RNF157: variants seen among roughly 807,000 people sequenced by gnomAD.
RNF157 encodes E3 ubiquitin ligase RNF157.
In RNF157, 55 loss-of-function variants were observed where a neutral mutation model predicts 88.3. The ratio of observed to expected loss-of-function variants is 0.62; its 90% confidence interval spans 0.50 to 0.78. RNF157 has a LOEUF of 0.78. Among genes scored for constraint, RNF157 ranks in the 30% least tolerant of loss-of-function variants. The pLI, the probability that RNF157 is intolerant of heterozygous loss-of-function variation, is 0.00. For missense variants in RNF157, 788 were observed against 860.8 expected, an observed-to-expected ratio of 0.92 and a Z score of 1.06; for synonymous variants, 334 against 341.2, an observed-to-expected ratio of 0.98 and a Z score of 0.23.
In RNF157 at chr17:76,240,295, C is replaced by T. The variant is rs1476769212; in HGVS notation, c.-55G>A. 7.7e-6 allele frequency: 7 copies of T among 909,596 alleles called. No individual in the cohort carries two copies. Among genetic ancestry groups the T allele is most frequent in the African/African-American group, 1.8e-5 (1 of 55,198 alleles). 56.3% of individuals were successfully genotyped at this position (909,596 alleles called of 1,614,324 possible). ...CCCGGTGCCCGCGCCGCCCTCCGCG[C>T]TTCACCGCGGCCGCCCGCCCCGCGC... On this transcript the variant is annotated 5_prime_UTR_variant, in exon 1 of 19. Transcript: ENST00000269391. The surrounding 1 kb of genome is among the most constrained non-coding windows in gnomAD (Gnocchi z 4.4).
chr17:76,226,860 T>A, intron 1 of RNF157: 1 of 1,382,306 alleles, frequency 7.2e-7, no homozygotes, highest in South Asian at 1.4e-5. Flanking sequence ...GGTGTCTTTG[T>A]CGGTTACAGC....
chr17:76,209,920 C>T (rs1455507109), intron 2 of RNF157, among the ~76,000 whole-genome samples: 1 of 152,092 alleles, frequency 6.6e-6, no homozygotes, highest in Non-Finnish European at 1.5e-5. Flanking sequence ...CCACCACGCC[C>T]AGCTAATTTT....
intron 2 of RNF157, among the ~76,000 whole-genome samples, chr17:76,194,437 C>CGGT (rs1034865918): frequency 1.1e-4 from 16 of 152,154 alleles, no homozygotes; most frequent in African/African-American, 3.9e-4. Flanking sequence ...GTGGGAAGGG[C>CGGT]GGTAAATTCA....
chr17:76,161,998 G>C lies in RNF157; in HGVS notation c.797C>G (p.Ala266Gly). 6.2e-7 allele frequency: 1 copy of C among 1,612,982 alleles called. No homozygotes were observed. The highest frequency in any genetic ancestry group is 8.5e-7 in the Non-Finnish European group (1 of 1,179,158). ...ACTGTTATCACTCACTTCGTCTTCA[G>C]CCACCTGGCCAAGGAGAAAGAAATG... ...NKYNTQDSKV[A>G]EDEVSDNSAE... The change falls in exon 10 of 19, where the codon GCT (alanine) becomes GGT (glycine). Residue 266 changes from alanine to glycine, a missense_variant. Physicochemically the swap from Ala to Gly is moderately conservative, Grantham distance 60 (BLOSUM62 0). Transcript: ENST00000269391. The surrounding 1 kb of genome is among the most constrained non-coding windows in gnomAD (Gnocchi z 4.6).
At chr17:76,194,851 T>C (rs1246847626) in intron 2 of RNF157, among the ~76,000 whole-genome samples, 2 of 151,956 alleles carry the variant, frequency 1.3e-5, no homozygotes, top group Admixed American at 1.3e-4. Context: ...CCGTCTCTAC[T>C]AAAAATACAA....
rs1253512795 is a variant in RNF157 at position 76,160,481 on chromosome 17, T to C, written c.1066-908A>G. 2.7e-4 allele frequency among the ~76,000 whole-genome samples: 41 copies of C among 152,222 alleles called. 1 individual carries two copies. Among genetic ancestry groups the C allele is most frequent in the Admixed American group, 2.7e-3 (41 of 15,282 alleles). On this transcript the variant is annotated intron_variant, in intron 11 of 18. Transcript: ENST00000269391. The surrounding 1 kb of genome is among the most constrained non-coding windows in gnomAD (Gnocchi z 4.3). Reference sequence around the variant, plus strand: ...GAGAATCGCTAAAAAGAAAAGTTTTTAAAATTTGAAAGTTGGAAAATGGTA... The same window carrying C: ...GAGAATCGCTAAAAAGAAAAGTTTTCAAAATTTGAAAGTTGGAAAATGGTA...
Position 76,145,271 on chromosome 17 carries a change from C to G in RNF157, c.2004G>C (p.Glu668Asp), listed in dbSNP as rs901672974. Reference sequence around the variant, plus strand: ...AAGGGCCCCACACACAGGGCCTCGTCTCAGAGTCCTCCAGGCTGCTGGATG... The same window carrying G: ...AAGGGCCCCACACACAGGGCCTCGTGTCAGAGTCCTCCAGGCTGCTGGATG... The part of the protein sequence containing the change: ...RLSSSSLEDS[E>D]TRPCVWGPLA... Residue 668 changes from glutamate (E) to aspartate (D), a missense_variant, in exon 19 of 19, where the codon GAG becomes GAC. Physicochemically the swap from Glu to Asp is conservative, Grantham distance 45. Coordinates refer to ENST00000269391, the MANE Select transcript of RNF157 (RefSeq NM_052916.3). 1.2e-5 allele frequency: 19 copies of G among 1,608,534 alleles called. No homozygotes were observed. The highest frequency in any genetic ancestry group is 1.6e-5 in the Non-Finnish European group (19 of 1,177,990).
rs757773775 is a variant in RNF157, at chr17:76,214,001, G to A, written c.89-1519C>T. Among the ~76,000 whole-genome samples, 8 of 152,200 alleles carry A rather than the reference G, an allele frequency of 5.3e-5. No homozygotes were observed. In the East Asian group the frequency reaches 7.7e-4, roughly 15 times the overall value. On this transcript the variant is annotated intron_variant, in intron 1 of 18. Coordinates refer to ENST00000269391, the MANE Select transcript of RNF157 (RefSeq NM_052916.3). The stretch of plus-strand genomic sequence containing the variant: ...TTGTAATATCCTTGATAATAAACTC[G>A]TAAATGTGTTTCTCTAGTTCTGTGA...
Position 76,161,417 on chromosome 17 carries a change from A to G in RNF157, c.1065+118T>C. ...CATGCTCTCAGCCGGCTTGCTAAAT[A>G]CTGCAGCATGCCCTGGTCTAATTCC... is the stretch of plus-strand genomic sequence containing the variant. On this transcript the variant is annotated intron_variant, in intron 11 of 18. Coordinates refer to ENST00000269391, the MANE Select transcript of RNF157 (RefSeq NM_052916.3). This position sits in a 1 kb window ranked among gnomAD's most constrained non-coding sequence, Gnocchi z 4.6. 1.2e-6 allele frequency: 1 copy of G among 801,772 alleles called. No homozygotes were observed. The highest frequency in any genetic ancestry group is 1.5e-5 in the South Asian group (1 of 68,132). The allele number at this position is 801,772 out of a possible 1,614,324, so 49.7% of individuals were successfully genotyped here. A position where few individuals can be genotyped will look rare whatever the true frequency, so the allele number is the denominator to read the frequency against.
chr17:76,223,967 C>T (rs529859054), intron 1 of RNF157, among the ~76,000 whole-genome samples: 1 of 152,294 alleles, frequency 6.6e-6, no homozygotes, highest in East Asian at 1.9e-4. Flanking sequence ...AGAGCAGCTC[C>T]AGACACTACT....
rs149113380 is a variant in RNF157 at position 76,196,393 on chromosome 17, G to T, written c.207+15971C>A. Among the ~76,000 whole-genome samples, 288 of 152,332 alleles carry T rather than the reference G, an allele frequency of 1.9e-3. 3 individuals carry two copies. The highest frequency in any genetic ancestry group is 0.018 in the South Asian group (86 of 4,828). ...GGAAAGGAGCAGAAGGGGAGCTTCT[G>T]GGGGTGCTGGCCATGTGCTACTTCT... On this transcript the variant is annotated intron_variant, in intron 2 of 18. Transcript: ENST00000269391.
intron 2 of RNF157, 46 bp from the exon 3 acceptor site, chr17:76,173,836 C>G (rs1435513195): frequency 2.0e-6 from 3 of 1,481,416 alleles, no homozygotes; most frequent in Non-Finnish European, 2.8e-6. Context: ...TTAAAAAGAC[C>G]CACAGCTGTC....
chr17:76,223,357 T>C (rs1400172306), intron 1 of RNF157, among the ~76,000 whole-genome samples: 1 of 151,952 alleles, frequency 6.6e-6, no homozygotes, highest in African/African-American at 2.4e-5. Context: ...CTGGCTAATT[T>C]TTGTATTTTT....
At position 76,152,432 on chromosome 17, in the gene RNF157, C is replaced by A. The variant is rs922835877; in HGVS notation, c.1844G>T (p.Cys615Phe). Residue 615 changes from cysteine (C) to phenylalanine (F), a missense_variant, in exon 18 of 19, where the codon TGT becomes TTT. Transcript: ENST00000269391. ...GATGTCAAAGTCATTGTTATTGTCACACTCCATACCTAGAAATGCGCACGT... is the reference window on the plus strand; with the variant it reads ...GATGTCAAAGTCATTGTTATTGTCAAACTCCATACCTAGAAATGCGCACGT... ...QRTCAFLGME[C>F]DNNNDFDIAS... 7 of 1,613,624 alleles carry A rather than the reference C, an allele frequency of 4.3e-6. No individual in the cohort carries two copies. In the African/African-American group the frequency reaches 8.0e-5, roughly 18 times the overall value.
chr17:76,159,293 C>T, intron 12 of RNF157, 42 bp downstream of exon 12: 1 of 1,547,540 alleles, frequency 6.5e-7, no homozygotes, highest in Non-Finnish European at 8.9e-7. Context: ...AGCATTTCAT[C>T]AAGGATTCCG....
At chr17:76,235,705 T>TA (rs1381789861) in intron 1 of RNF157, among the ~76,000 whole-genome samples, 5 of 152,210 alleles carry the variant, frequency 3.3e-5, no homozygotes, top group African/African-American at 1.2e-4. Context: ...AATGATGATG[T>TA]AGACAGATGT....
At chr17:76,173,531 C>A (rs559774032) in intron 3 of RNF157, among the ~76,000 whole-genome samples, 171 bp downstream of exon 3, 2 of 152,056 alleles carry the variant, frequency 1.3e-5, no homozygotes, top group Non-Finnish European at 2.9e-5. Context: ...TGGGTGTGGA[C>A]GGCCTGATCT....
intron 1 of RNF157, among the ~76,000 whole-genome samples, chr17:76,216,125 T>C (rs2069883824): frequency 6.6e-6 from 1 of 152,208 alleles, no homozygotes; most frequent in Non-Finnish European, 1.5e-5. Context: ...CACAGATGGA[T>C]GGCTTGCCCA....
At chr17:76,220,257 G>A (rs914907843) in intron 1 of RNF157, among the ~76,000 whole-genome samples, 1 of 151,944 alleles carries the variant, frequency 6.6e-6, no homozygotes, top group African/African-American at 2.4e-5. Context: ...AACCTACTAG[G>A]GTCATATCCA....
Sources: allele counts gnomAD v4.1 joint callset (sites outside exome capture counted in the v4.1 genomes callset), GRCh38; gene constraint gnomAD v4.1.1; non-coding constraint Gnocchi (gnomAD v3.1); transcripts MANE v1.5; gene names NCBI Gene and HGNC (gene_info 2026-07-23, HGNC 2026-07-21).